Variants in STK32B observed in about 807,000 individuals in gnomAD.
STK32B encodes the protein serine/threonine kinase 32B, also known as serine/threonine-protein kinase 32B.
Under a neutral mutation model 52.6 loss-of-function variants are expected in STK32B, and 43 were observed. That is an observed-to-expected ratio of 0.82 (90% CI 0.64 to 1.05). The LOEUF (loss-of-function observed/expected upper bound fraction) is 1.05. STK32B is among the 50% of genes least tolerant of loss of function. STK32B has a pLI of 0.00. For synonymous variants in STK32B, 238 were observed against 204.3 expected (o/e 1.17, Z -1.41); for missense variants, 621 against 534.6 (o/e 1.16, Z -1.59).
intron 1 of STK32B, among the ~76,000 whole-genome samples, chr4:5,087,576 T>A (rs113673433): frequency 0.039 from 5,938 of 151,744 alleles, 374 homozygotes; most frequent in African/African-American, 0.13. Context: ...ACAAATAATT[T>A]GATAGATAGA....
At position 5,467,944 on chromosome 4, in the gene STK32B, C is replaced by G; in HGVS notation, c.1042-62C>G. 1 of 1,582,424 alleles carries G rather than the reference C, an allele frequency of 6.3e-7. No homozygotes were observed. The highest frequency in any genetic ancestry group is 8.7e-7 in the Non-Finnish European group (1 of 1,152,052). ...GTCAGTCTGCCGTCCTGTGATGCTCCATTACCGCGCGTCCCCGGACCGTGC... is the reference window on the plus strand; with the variant it reads ...GTCAGTCTGCCGTCCTGTGATGCTCGATTACCGCGCGTCCCCGGACCGTGC... On this transcript the variant is annotated intron_variant, in intron 10 of 11. Transcript: ENST00000282908. This position sits in a 1 kb window ranked among gnomAD's most constrained non-coding sequence, Gnocchi z 5.8.
At chr4:5,108,445 C>T (rs1273010125) in intron 1 of STK32B, among the ~76,000 whole-genome samples, 1 of 152,102 alleles carries the variant, frequency 6.6e-6, no homozygotes, top group Non-Finnish European at 1.5e-5. Context: ...CTAAAGTGCC[C>T]TTCTCATGTT....
intron 3 of STK32B, among the ~76,000 whole-genome samples, chr4:5,328,232 T>C (rs181722162): frequency 6.9e-4 from 105 of 152,340 alleles, no homozygotes; most frequent in Middle Eastern, 3.4e-3. Flanking sequence ...TTGGCTTTCA[T>C]GTCTTACATG....
At chr4:5,050,826 A>C (rs1476917706), upstream of STK32B, among the ~76,000 whole-genome samples, 1 of 152,170 alleles carries the variant, frequency 6.6e-6, no homozygotes, top group Non-Finnish European at 1.5e-5. Context: ...GCAGGAGCCC[A>C]GGGACCCTCA....
chr4:5,019,578 C>T, the STK32B span: 1 of 952,062 alleles, frequency 1.1e-6, no homozygotes, highest in Non-Finnish European at 1.4e-6. Context: ...AGAGAGGAAG[C>T]CAGCACGCCC....
intron 6 of STK32B, among the ~76,000 whole-genome samples, chr4:5,440,730 T>G (rs542242510): frequency 6.6e-6 from 1 of 152,316 alleles, no homozygotes; most frequent in African/African-American, 2.4e-5. Flanking sequence ...AGTATGATAT[T>G]GGCTGTGGGT....
At chr4:5,114,144 C>G (rs930305284) in intron 1 of STK32B, among the ~76,000 whole-genome samples, 1 of 151,868 alleles carries the variant, frequency 6.6e-6, no homozygotes, top group African/African-American at 2.4e-5. Context: ...TCAACCACCC[C>G]CATTCTCTCC....
intron 3 of STK32B, among the ~76,000 whole-genome samples, chr4:5,224,875 T>C (rs913909218): frequency 1.3e-5 from 2 of 152,178 alleles, no homozygotes; most frequent in African/African-American, 4.8e-5. Flanking sequence ...ATGAGGCTTA[T>C]AAAGCATTTT....
At chr4:5,310,761 T>C (rs1404602675) in intron 3 of STK32B, among the ~76,000 whole-genome samples, 1 of 152,206 alleles carries the variant, frequency 6.6e-6, no homozygotes, top group East Asian at 1.9e-4. Flanking sequence ...GCAGCACTAT[T>C]CATAATAGCC....
intron 1 of STK32B, among the ~76,000 whole-genome samples, chr4:5,112,709 C>T (rs955073870): frequency 6.6e-6 from 1 of 152,132 alleles, no homozygotes; most frequent in African/African-American, 2.4e-5. Context: ...AATGAACCAT[C>T]ACAAAGCTAG....
intron 6 of STK32B, chr4:5,426,897 G>T (rs368517407): frequency 1.3e-5 from 2 of 152,120 alleles, no homozygotes; most frequent in African/African-American, 4.8e-5. Flanking sequence ...TACTATTCAG[G>T]TGAAGCAGTG....
intron 3 of STK32B, among the ~76,000 whole-genome samples, chr4:5,171,793 T>C (rs1356922005): frequency 6.7e-6 from 1 of 149,756 alleles, no homozygotes; most frequent in African/African-American, 2.4e-5. Flanking sequence ...CAATGTGGGC[T>C]CTGTTTTGGT....
At chr4:5,274,032 A>T (rs1198886736) in intron 3 of STK32B, among the ~76,000 whole-genome samples, 2 of 152,084 alleles carry the variant, frequency 1.3e-5, no homozygotes, top group African/African-American at 4.8e-5. Context: ...CAAAAAAAAG[A>T]CTCAATATTG....
chr4:5,299,600 T>A (rs74436623), intron 3 of STK32B, among the ~76,000 whole-genome samples: 3,605 of 152,264 alleles, frequency 0.024, 141 homozygotes, highest in African/African-American at 0.081. Context: ...ATTTCTGATT[T>A]CCCTAGTCTC....
At chr4:5,407,602 G>T (rs568017743) in intron 5 of STK32B, among the ~76,000 whole-genome samples, 1 of 152,098 alleles carries the variant, frequency 6.6e-6, no homozygotes, top group Admixed American at 6.6e-5. Context: ...TAATCATGGC[G>T]GAAGGTGAAG....
intron 2 of STK32B, among the ~76,000 whole-genome samples, chr4:5,143,295 C>T (rs1716647981): frequency 6.6e-6 from 1 of 152,180 alleles, no homozygotes; most frequent in African/African-American, 2.4e-5. Context: ...TTCACATGTA[C>T]AGCAAACTGT....
At chr4:5,314,542 C>G (rs1041009893) in intron 3 of STK32B, among the ~76,000 whole-genome samples, 2 of 152,086 alleles carry the variant, frequency 1.3e-5, no homozygotes, top group Non-Finnish European at 2.9e-5. Context: ...TGGTGACAGG[C>G]ACCTGTAATG....
At chr4:5,268,698 A>G (rs772005507) in intron 3 of STK32B, among the ~76,000 whole-genome samples, 1 of 151,924 alleles carries the variant, frequency 6.6e-6, no homozygotes, top group Non-Finnish European at 1.5e-5. Flanking sequence ...TGTTCACGAT[A>G]TATTCCTGCA....
At chr4:5,379,006 T>C (rs1735757936) in intron 4 of STK32B, among the ~76,000 whole-genome samples, 1 of 152,134 alleles carries the variant, frequency 6.6e-6, no homozygotes, top group South Asian at 2.1e-4. Context: ...TGGTGAGCTC[T>C]GAAAGAGATT....
Sources: gnomAD v4.1 joint callset for allele counts (sites outside exome capture counted in the v4.1 genomes callset) on GRCh38, gnomAD v4.1.1 for gene constraint, Gnocchi (gnomAD v3.1) non-coding constraint, MANE v1.5 for transcripts, NCBI Gene and HGNC (gene_info 2026-07-23, HGNC 2026-07-21) for gene names.